MICAL3: variants seen among roughly 807,000 people sequenced by gnomAD.
MICAL3 encodes microtubule associated monooxygenase, calponin and LIM domain containing 3, also known as [F-actin]-monooxygenase MICAL3.
A neutral mutation model predicts 207.4 loss-of-function variants in MICAL3; 62 were observed. The observed-to-expected ratio is 0.30, with a 90% CI of 0.24 to 0.37. The LOEUF (loss-of-function observed/expected upper bound fraction) is 0.37, where lower values mean the gene tolerates loss of function less well. Ranked by LOEUF, MICAL3 falls within the 10% of genes least tolerant of loss-of-function variation. The pLI is 1.00. For missense variants in MICAL3, 2,368 were observed against 2,635.6 expected, an observed-to-expected ratio of 0.90 and a Z score of 2.22; for synonymous variants, 1,077 against 1,069.3, an observed-to-expected ratio of 1.01 and a Z score of -0.14.
intron 29 of MICAL3, among the ~76,000 whole-genome samples, chr22:17,804,992 CG>C (rs1373389827): frequency 6.6e-6 from 1 of 152,178 alleles, no homozygotes; most frequent in East Asian, 1.9e-4. Context: ...CCTGGCCATA[CG>C]TCGTCATACC....
At chr22:17,816,898 T>A (rs1259876693) in intron 26 of MICAL3, 114 bp from the exon 27 acceptor site, 6 of 790,996 alleles carry the variant, frequency 7.6e-6, no homozygotes, top group Non-Finnish European at 1.0e-5. Flanking sequence ...TGGATTCATT[T>A]TAGTTTAAGG....
At chr22:17,905,113 TG>T (rs1931621717) in intron 2 of MICAL3, among the ~76,000 whole-genome samples, 1 of 152,238 alleles carries the variant, frequency 6.6e-6, no homozygotes. Context: ...GGAAGGCCCT[TG>T]ATCTGCAGCA....
At chr22:17,967,949 A>G (rs889915020) in intron 1 of MICAL3, among the ~76,000 whole-genome samples, 46 of 152,270 alleles carry the variant, frequency 3.0e-4, no homozygotes, top group African/African-American at 9.6e-4. Flanking sequence ...AGCCTGAGGC[A>G]GGAGAATCGC....
At chr22:17,978,850 T>C (rs888856938) in intron 1 of MICAL3, among the ~76,000 whole-genome samples, 2 of 149,544 alleles carry the variant, frequency 1.3e-5, no homozygotes, top group South Asian at 4.3e-4. Context: ...ATGAATGGTA[T>C]GTGAATTATA....
chr22:17,969,780 A>G (rs1935318259), intron 1 of MICAL3, among the ~76,000 whole-genome samples: 1 of 152,212 alleles, frequency 6.6e-6, no homozygotes, highest in Non-Finnish European at 1.5e-5. Flanking sequence ...AGCGTCTAGG[A>G]TGGCCTCTTT....
intron 16 of MICAL3, chr22:17,875,634 G>A (rs1928227034): frequency 1.4e-6 from 1 of 696,952 alleles, no homozygotes; most frequent in African/African-American, 2.0e-5. Context: ...AACATAAGAT[G>A]GTTGTAGAGC....
At chr22:17,842,271 C>T (rs907205874) in intron 19 of MICAL3, 30 of 536,262 alleles carry the variant, frequency 5.6e-5, no homozygotes, top group South Asian at 5.0e-5. Flanking sequence ...ACCCTGAACC[C>T]GGCCCCCAGA....
intron 1 of MICAL3, among the ~76,000 whole-genome samples, chr22:17,912,296 G>C (rs1269725472): frequency 6.6e-6 from 1 of 151,588 alleles, no homozygotes; most frequent in Non-Finnish European, 1.5e-5. Context: ...GTCTCCTTTA[G>C]AAGGGCTGTT....
chr22:17,912,569 G>A (rs1000707979), intron 1 of MICAL3, among the ~76,000 whole-genome samples: 1 of 152,068 alleles, frequency 6.6e-6, no homozygotes, highest in Admixed American at 6.6e-5. Flanking sequence ...ATTCCTAAGT[G>A]TTTTATTATT....
In MICAL3 at chr22:17,895,422, CA is replaced by C. The variant is rs762731318; in HGVS notation, c.1323-13del. ...TGTAAATACTTTCCCTGCAATAACA[CA>C]ACAATATACTCAGAATCGGGACCAG... On this transcript the variant is annotated splice_polypyrimidine_tract_variant and intron_variant, in intron 9 of 31. Coordinates refer to ENST00000441493, the MANE Select transcript of MICAL3 (RefSeq NM_015241.3). 8.1e-6 allele frequency: 13 copies of C among 1,613,308 alleles called. No homozygotes were observed. The highest frequency in any genetic ancestry group is 1.1e-5 in the Non-Finnish European group (13 of 1,179,506).
Position 17,818,748 on chromosome 22 carries a change from T to G in MICAL3, c.3913A>C (p.Lys1305Gln). Reference protein sequence around the residue: ...PLPVQSQSDTKDRLGSPLAVD... With the variant: ...PLPVQSQSDTQDRLGSPLAVD... ...GCAAGGGGGCTGCCCAGTCTGTCCT[T>G]GGTGTCACTTTGGCTTTGGACAGGG... Residue 1305 changes from lysine (K) to glutamine (Q), a missense_variant, in exon 26 of 32, where the codon AAG becomes CAG. Physicochemically the swap from Lys to Gln is moderately conservative, Grantham distance 53. Around this residue, in one of 4 missense-constraint regions of MICAL3, gnomAD observed 1,770 missense variants for 1,863.2 expected, o/e 0.95. Transcript: ENST00000441493. The G allele has an allele frequency of 6.2e-7, 1 of 1,603,068 alleles. No homozygotes were observed. The highest frequency in any genetic ancestry group is 8.5e-7 in the Non-Finnish European group (1 of 1,172,386).
chr22:18,007,847 C>A (rs921032880), intron 1 of MICAL3, among the ~76,000 whole-genome samples: 1 of 125,288 alleles, frequency 8.0e-6, no homozygotes, highest in Non-Finnish European at 1.6e-5. Flanking sequence ...GGCGTGAACC[C>A]GGGGGGTGGA....
At chr22:17,871,386 T>C (rs1462623367) in intron 17 of MICAL3, among the ~76,000 whole-genome samples, 2 of 152,152 alleles carry the variant, frequency 1.3e-5, no homozygotes, top group Non-Finnish European at 2.9e-5. Context: ...CGGGCCACCT[T>C]GCAGACATCT....
chr22:17,817,212 C>T (rs1178077405), intron 26 of MICAL3, 99 bp downstream of exon 26: 41 of 1,395,394 alleles, frequency 2.9e-5, no homozygotes, highest in South Asian at 1.2e-4. Flanking sequence ...GAACCCTCGG[C>T]GGGGAGCGTG....
intron 20 of MICAL3, among the ~76,000 whole-genome samples, chr22:17,834,000 T>C (rs527711602): frequency 6.6e-6 from 1 of 152,234 alleles, no homozygotes; most frequent in African/African-American, 2.4e-5. Flanking sequence ...TAACCATGAG[T>C]ACAACAGCTT....
Position 17,889,111 on chromosome 22 carries a change from C to T in MICAL3, c.1814G>A (p.Gly605Glu). 1 of 1,613,840 alleles carries T rather than the reference C, an allele frequency of 6.2e-7. No individual in the cohort carries two copies. Among genetic ancestry groups the T allele is most frequent in the South Asian group, 1.1e-5 (1 of 91,062 alleles). Residue 605 changes from glycine (G) to glutamate (E), a missense_variant, in exon 13 of 32, where the codon GGG becomes GAG. By Grantham distance (98) the Gly-to-Glu change is moderately conservative (BLOSUM62 -2). Coordinates refer to ENST00000441493, the MANE Select transcript of MICAL3 (RefSeq NM_015241.3). ...CACCATGGACAGCTTATCAGGCTCCCCCACGGAGGCCATTTCTTTGCCTGT... is the reference window on the plus strand; with the variant it reads ...CACCATGGACAGCTTATCAGGCTCCTCCACGGAGGCCATTTCTTTGCCTGT... ...IMTGKEMASVGEPDKLSMVMY... is the reference protein window; with the variant it reads ...IMTGKEMASVEEPDKLSMVMY...
rs764642603 is a variant in MICAL3, at chr22:17,950,337, G to GTTTTT, written c.-74-43456_-74-43452dup. ...CCACCACATCTGGCGTTTTGTTTTT[G>GTTTTT]TTTTTTTTTTTTTTTTTTTTTTTGA... On this transcript the variant is annotated intron_variant, in intron 1 of 31. Transcript: ENST00000441493. Among the ~76,000 whole-genome samples the GTTTTT allele has an allele frequency of 6.8e-4, 61 of 89,326 alleles. 1 individual carries two copies. The highest frequency in any genetic ancestry group is 1.2e-3 in the East Asian group (3 of 2,442). 58.6% of individuals were successfully genotyped at this position (89,326 alleles called of 152,430 possible). A position where few individuals can be genotyped will look rare whatever the true frequency, so the allele number is the denominator to read the frequency against.
chr22:17,834,199 T>C (rs145911997), intron 20 of MICAL3: 1 of 1,038,222 alleles, frequency 9.6e-7, no homozygotes, highest in East Asian at 1.1e-4. Context: ...AGTTGATTAT[T>C]TGTGCTCTCT....
chr22:17,903,314 C>A (rs1301705580), intron 3 of MICAL3, among the ~76,000 whole-genome samples: 1 of 152,222 alleles, frequency 6.6e-6, no homozygotes, highest in East Asian at 1.9e-4. Context: ...GCCAGAATGA[C>A]TGACAATCTT....
Sources: gnomAD v4.1 joint callset for allele counts (sites outside exome capture counted in the v4.1 genomes callset) on GRCh38, gnomAD v4.1.1 for gene constraint, gnomAD v4.1.1 regional missense constraint, MANE v1.5 for transcripts, NCBI Gene and HGNC (gene_info 2026-07-23, HGNC 2026-07-21) for gene names.